The following DISC1 variants were observed in gnomAD, a reference collection of about 807,000 sequenced individuals.
DISC1 encodes the protein disrupted in schizophrenia 1 protein.
DISC1 carries 57 observed loss-of-function variants against 84.5 expected under a neutral mutation model. The observed-to-expected ratio is 0.67, with a 90% CI of 0.55 to 0.84. The LOEUF is 0.84. Among genes scored for constraint, DISC1 ranks in the 40% least tolerant of loss-of-function variants. DISC1 has a pLI of 0.00. For missense variants in DISC1, 1,000 were observed against 1,057.8 expected (o/e 0.95, Z 0.76); for synonymous variants, 411 against 415.2 (o/e 0.99, Z 0.12).
At chr1:231,667,825 T>C (rs1232445409) in intron 1 of DISC1, among the ~76,000 whole-genome samples, 1 of 152,208 alleles carries the variant, frequency 6.6e-6, no homozygotes, top group African/African-American at 2.4e-5. Context: ...ATAAAGATGC[T>C]TTTTCCATTG....
intron 1 of DISC1, among the ~76,000 whole-genome samples, chr1:231,677,975 GAAAA>G (rs913370479): frequency 6.8e-6 from 1 of 146,498 alleles, no homozygotes; most frequent in African/African-American, 2.5e-5. Context: ...GTGTCTCAAA[GAAAA>G]AAAAAACCAA....
At chr1:231,762,509 G>GTTTTT (rs1396197645) in intron 4 of DISC1, among the ~76,000 whole-genome samples, 5 of 52,580 alleles carry the variant, frequency 9.5e-5, no homozygotes, top group East Asian at 6.5e-4. Flanking sequence ...TTTTAGTTTT[G>GTTTTT]TTTTGTTTTT....
intron 4 of DISC1, among the ~76,000 whole-genome samples, chr1:231,766,863 G>T (rs2076210805): frequency 6.6e-6 from 1 of 151,954 alleles, no homozygotes. Flanking sequence ...TTTTAATTTG[G>T]GCTAACCATG....
intron 9 of DISC1, among the ~76,000 whole-genome samples, chr1:231,867,252 G>A (rs1290195236): frequency 1.3e-5 from 2 of 152,120 alleles, no homozygotes; most frequent in Non-Finnish European, 1.5e-5. Flanking sequence ...CACATGTCTG[G>A]TTAGCTATCA....
intron 3 of DISC1, among the ~76,000 whole-genome samples, chr1:231,745,792 A>G (rs1166703882): frequency 6.6e-6 from 1 of 152,000 alleles, no homozygotes; most frequent in African/African-American, 2.4e-5. Flanking sequence ...GTCCCCTTCA[A>G]ATTTCATGTT....
chr1:231,779,546 C>CTTT (rs2077216631), intron 6 of DISC1, among the ~76,000 whole-genome samples: 2 of 91,528 alleles, frequency 2.2e-5, no homozygotes, highest in African/African-American at 8.4e-5. Context: ...TCAACCTATT[C>CTTT]TTGTTTTTTT....
At chr1:232,015,358 C>G (rs1381500013) in intron 11 of DISC1, among the ~76,000 whole-genome samples, 1 of 152,010 alleles carries the variant, frequency 6.6e-6, no homozygotes, top group African/African-American at 2.4e-5. Flanking sequence ...TGACGCCGTT[C>G]ACCTTGGAAA....
At chr1:231,801,059 A>C (rs1377502274) in intron 8 of DISC1, among the ~76,000 whole-genome samples, 2 of 152,112 alleles carry the variant, frequency 1.3e-5, no homozygotes, top group Non-Finnish European at 2.9e-5. Context: ...AATTACATGT[A>C]TGTGTTTTAA....
At chr1:231,936,418 C>T (rs1307397552) in intron 9 of DISC1, among the ~76,000 whole-genome samples, 1 of 152,160 alleles carries the variant, frequency 6.6e-6, no homozygotes, top group African/African-American at 2.4e-5. Flanking sequence ...TGGCATGTGA[C>T]AGGGTAGGGT....
At chr1:231,723,234 G>A in intron 3 of DISC1, 1 of 816,218 alleles carries the variant, frequency 1.2e-6, no homozygotes, top group Non-Finnish European at 1.4e-6. Flanking sequence ...CCCTGATACA[G>A]ACTGTATTTA....
At chr1:231,840,587 T>A (rs1269283350) in intron 9 of DISC1, among the ~76,000 whole-genome samples, 1 of 152,084 alleles carries the variant, frequency 6.6e-6, no homozygotes, top group African/African-American at 2.4e-5. Flanking sequence ...CATACGATGC[T>A]CTGGAAAAGA....
In DISC1 at chr1:231,693,981, G is replaced by A; in HGVS notation, c.223G>A (p.Glu75Lys). ...GTTCCCAGGAGGGGTGTCTGGCGAG[G>A]AGTCCCACCACTCGGAGTCCAGGGC... ...FRFPGGVSGE[E>K]SHHSESRARQ... is the part of the protein sequence containing the mutation. The change falls in exon 2 of 13, where the codon GAG becomes AAG. Residue 75 changes from glutamate to lysine, a missense_variant. Physicochemically the swap from Glu to Lys is moderately conservative, Grantham distance 56. Coordinates refer to ENST00000439617, the MANE Select transcript of DISC1 (RefSeq NM_018662.3). 1 of 1,614,094 alleles carries A rather than the reference G, an allele frequency of 6.2e-7. No homozygotes were observed.
At chr1:231,767,802 C>A (rs2076275532) in intron 5 of DISC1, among the ~76,000 whole-genome samples, 1 of 152,220 alleles carries the variant, frequency 6.6e-6, no homozygotes. Context: ...TCCTCATTAC[C>A]TTTTGAATAT....
intron 6 of DISC1, among the ~76,000 whole-genome samples, chr1:231,785,870 C>T (rs929034622): frequency 1.3e-5 from 2 of 152,176 alleles, no homozygotes; most frequent in African/African-American, 4.8e-5. Flanking sequence ...GATGAGCGGA[C>T]AACTGTCTGC....
intron 5 of DISC1, among the ~76,000 whole-genome samples, chr1:231,769,250 A>C (rs1246742142): frequency 6.6e-6 from 1 of 151,848 alleles, no homozygotes. Context: ...TGGTCCAGCC[A>C]CCCCCCCTTC....
intron 1 of DISC1, among the ~76,000 whole-genome samples, chr1:231,641,409 G>C (rs564224231): frequency 6.6e-6 from 1 of 152,276 alleles, no homozygotes; most frequent in South Asian, 2.1e-4. Context: ...GTCTGGAGTC[G>C]TTCGTTCCTC....
At chr1:231,962,180 T>C (rs1351537577) in intron 10 of DISC1, among the ~76,000 whole-genome samples, 2 of 152,238 alleles carry the variant, frequency 1.3e-5, no homozygotes, top group African/African-American at 4.8e-5. Flanking sequence ...ATGTCTTCTT[T>C]TGAGAAGTAC....
At chr1:231,846,245 C>T (rs1448757102) in intron 9 of DISC1, among the ~76,000 whole-genome samples, 1 of 152,120 alleles carries the variant, frequency 6.6e-6, no homozygotes, top group Non-Finnish European at 1.5e-5. Flanking sequence ...TCAGAAGGAG[C>T]TGGGCATGCA....
At chr1:231,877,363 A>G (rs564618162) in intron 9 of DISC1, among the ~76,000 whole-genome samples, 7 of 152,370 alleles carry the variant, frequency 4.6e-5, no homozygotes, top group South Asian at 2.1e-4. Context: ...GTGAATCAAC[A>G]TAAGTGTAAT....
Sources: allele counts gnomAD v4.1 joint callset (sites outside exome capture counted in the v4.1 genomes callset), GRCh38; gene constraint gnomAD v4.1.1; transcripts MANE v1.5; gene names NCBI Gene and HGNC (gene_info 2026-07-23, HGNC 2026-07-21).